CHEK2: variants seen among roughly 807,000 people sequenced by gnomAD.
CHEK2 encodes the protein checkpoint kinase 2.
In CHEK2, 71 loss-of-function variants were observed where a neutral mutation model predicts 69.1. The ratio of observed to expected loss-of-function variants is 1.03; its 90% CI spans 0.85 to 1.25. The LOEUF (loss-of-function observed/expected upper bound fraction) is 1.25, where lower values mean the gene tolerates loss of function less well. Ranked by LOEUF, CHEK2 falls within the 50% of genes most tolerant of loss-of-function variation. The pLI is 0.00. For synonymous variants in CHEK2, 189 were observed against 226.9 expected (o/e 0.83, Z 1.50); for missense variants, 664 against 649.6 (o/e 1.02, Z -0.24).
intron 7 of CHEK2, among the ~76,000 whole-genome samples, chr22:28,705,899 C>T (rs967496268): frequency 4.0e-5 from 6 of 151,874 alleles, no homozygotes; most frequent in African/African-American, 1.2e-4. Context: ...GCCTAAATCG[C>T]GCCATGGCAC....
At chr22:28,689,407 G>A (rs1460090798) in intron 13 of CHEK2, 192 bp from the exon 14 acceptor site, 3 of 617,598 alleles carry the variant, frequency 4.9e-6, no homozygotes, top group Non-Finnish European at 9.0e-6. Context: ...CTAATTAGCA[G>A]TCAATGCTCC....
intron 1 of CHEK2, among the ~76,000 whole-genome samples, chr22:28,738,229 G>A (rs958791759): frequency 7.9e-5 from 12 of 152,054 alleles, no homozygotes; most frequent in African/African-American, 2.4e-4. Flanking sequence ...AGATACAAAG[G>A]TTCTGATGAG....
intron 5 of CHEK2, among the ~76,000 whole-genome samples, chr22:28,714,231 TTC>T (rs1470106583): frequency 2.6e-5 from 4 of 152,200 alleles, no homozygotes; most frequent in Admixed American, 6.5e-5. Flanking sequence ...AGTTACTAGT[TTC>T]TGTTTCCTTA....
chr22:28,735,743 G>A (rs1233669104), intron 1 of CHEK2, among the ~76,000 whole-genome samples: 3 of 151,846 alleles, frequency 2.0e-5, no homozygotes, highest in Non-Finnish European at 4.4e-5. Context: ...TTAGCCGGGT[G>A]TGGTGGCAGG....
Position 28,734,690 on chromosome 22 carries a change from T to C in CHEK2, c.32A>G (p.Gln11Arg), listed in dbSNP as rs369256181. 2 of 1,613,588 alleles carry C rather than the reference T, an allele frequency of 1.2e-6. No homozygotes were observed. The highest frequency in any genetic ancestry group is 2.2e-5 in the East Asian group (1 of 44,884). The change falls in exon 2 of 15, where the codon CAG becomes CGG. Residue 11 changes from glutamine (Q) to arginine (R), a missense_variant. Physicochemically the swap from Gln to Arg is conservative, Grantham distance 43 (BLOSUM62 1). Coordinates refer to ENST00000404276, the MANE Select transcript of CHEK2 (RefSeq NM_007194.4). ...TGAACAGGCACTGCTGCCATGAGAC[T>C]GCTGAGCCTCAACATCCGACTCCCG... is the stretch of plus-strand genomic sequence containing the variant. MSRESDVEAQ[Q>R]SHGSSACSQP...
At chr22:28,728,949 C>T (rs992258214) in intron 2 of CHEK2, among the ~76,000 whole-genome samples, 6 of 147,360 alleles carry the variant, frequency 4.1e-5, no homozygotes, top group Admixed American at 7.0e-5. Flanking sequence ...AACACTCCAG[C>T]GTGGGTAAGA....
intron 1 of CHEK2, among the ~76,000 whole-genome samples, chr22:28,738,482 T>A (rs1699081031): frequency 6.6e-6 from 1 of 152,146 alleles, no homozygotes; most frequent in African/African-American, 2.4e-5. Context: ...TAAACCTGTT[T>A]TCTCATCTGA....
intron 7 of CHEK2, among the ~76,000 whole-genome samples, chr22:28,709,563 T>C (rs566275033): frequency 1.3e-5 from 2 of 152,318 alleles, no homozygotes; most frequent in African/African-American, 4.8e-5. Flanking sequence ...TGTGTGTGAA[T>C]GTACACATAA....
At chr22:28,709,027 T>G (rs1392126993) in intron 7 of CHEK2, 1 of 383,562 alleles carries the variant, frequency 2.6e-6, no homozygotes, top group African/African-American at 2.3e-5. Context: ...AGGAGAGAGA[T>G]CTTGCCTTGA....
chr22:28,737,605 G>A (rs2054450613), intron 1 of CHEK2, among the ~76,000 whole-genome samples: 1 of 151,840 alleles, frequency 6.6e-6, no homozygotes, highest in East Asian at 1.9e-4. Context: ...AAGTAGTTGG[G>A]ATTACAGGCG....
At chr22:28,734,056 C>G (rs554442856) in intron 2 of CHEK2, among the ~76,000 whole-genome samples, 29 of 152,202 alleles carry the variant, frequency 1.9e-4, no homozygotes, top group African/African-American at 6.5e-4. Flanking sequence ...TGGCCGAGCT[C>G]CAATTCACTT....
chr22:28,705,760 T>G (rs1020423045), intron 7 of CHEK2, among the ~76,000 whole-genome samples: 3 of 151,848 alleles, frequency 2.0e-5, no homozygotes, highest in Admixed American at 6.6e-5. Flanking sequence ...ACCCTGTCTC[T>G]ACTAAATACA....
At chr22:28,712,085 C>CCACT in intron 5 of CHEK2, 68 bp from the exon 6 acceptor site, 1 of 1,044,696 alleles carries the variant, frequency 9.6e-7, no homozygotes, top group Non-Finnish European at 1.5e-6. Context: ...ACTCCTGGGT[C>CCACT]CACTTCAAGT....
intron 2 of CHEK2, among the ~76,000 whole-genome samples, chr22:28,732,700 A>G (rs1355276730): frequency 6.6e-6 from 1 of 152,248 alleles, no homozygotes; most frequent in Non-Finnish European, 1.5e-5. Context: ...ATGGTGAGTG[A>G]CAAAACACAA....
intron 5 of CHEK2, among the ~76,000 whole-genome samples, chr22:28,713,768 C>T (rs1367250663): frequency 6.6e-6 from 1 of 152,018 alleles, no homozygotes; most frequent in Non-Finnish European, 1.5e-5. Flanking sequence ...ACAACCTCTG[C>T]CTCCTGGCTT....
intron 7 of CHEK2, among the ~76,000 whole-genome samples, chr22:28,708,542 G>T (rs1342950329): frequency 1.3e-5 from 2 of 152,090 alleles, no homozygotes; most frequent in Admixed American, 6.6e-5. Context: ...CACTCACAGA[G>T]TTCTAAAGGA....
intron 4 of CHEK2, chr22:28,724,596 C>T (rs2053919864): frequency 3.6e-6 from 1 of 281,482 alleles, no homozygotes; most frequent in South Asian, 3.9e-5. Context: ...GACAGAGTTT[C>T]ACTCTTGTTG....
Position 28,734,607 on chromosome 22 carries a change from A to G in CHEK2, c.115T>C (p.Ser39Pro), listed in dbSNP as rs1060502696. ...QGSSSQSQGI[S>P]SSSTSTMPNS... ...GGCATCGTGCTGGTAGAGGAGCTGG[A>G]TATGCCCTGGGACTGTGAGGAGGAG... The change falls in exon 2 of 15, where the codon TCC (serine) becomes CCC (proline). Residue 39 changes from serine to proline, a missense_variant. By Grantham distance (74) the Ser-to-Pro change is moderately conservative. Coordinates refer to ENST00000404276, the MANE Select transcript of CHEK2 (RefSeq NM_007194.4). The G allele has an allele frequency of 6.8e-6, 11 of 1,613,986 alleles. No homozygotes were observed. Among genetic ancestry groups the G allele is most frequent in the Non-Finnish European group, 9.3e-6 (11 of 1,180,020 alleles).
intron 2 of CHEK2, among the ~76,000 whole-genome samples, chr22:28,732,037 G>A (rs1435583939): frequency 1.3e-5 from 2 of 152,150 alleles, no homozygotes; most frequent in East Asian, 1.9e-4. Flanking sequence ...CACCTCCCAA[G>A]TTCCAGCAAT....
Sources: allele counts gnomAD v4.1 joint callset (sites outside exome capture counted in the v4.1 genomes callset), GRCh38; gene constraint gnomAD v4.1.1; transcripts MANE v1.5; gene names NCBI Gene and HGNC (gene_info 2026-07-23, HGNC 2026-07-21).